ALKAL2: variants seen among roughly 807,000 people sequenced by gnomAD.
ALKAL2 encodes ALK and LTK ligand 2.
In ALKAL2, 8 loss-of-function variants were observed where a neutral mutation model predicts 18.5. The ratio of observed to expected loss-of-function variants is 0.43; its 90% CI spans 0.25 to 0.78. The LOEUF is 0.78. ALKAL2 is among the 30% of genes least tolerant of loss of function. ALKAL2 has a pLI of 0.22. For missense variants in ALKAL2, 241 were observed against 211.2 expected, an observed-to-expected ratio of 1.14 and a Z score of -0.88; for synonymous variants, 135 against 95.8, an observed-to-expected ratio of 1.41 and a Z score of -2.39.
At position 279,775 on chromosome 2, in the gene ALKAL2, A is replaced by G; in HGVS notation, c.*372T>C. 1 of 204,634 alleles carries G rather than the reference A, an allele frequency of 4.9e-6. No homozygotes were observed. The highest frequency in any genetic ancestry group is 1.1e-4 in the East Asian group (1 of 9,350). 12.7% of individuals were successfully genotyped at this position (204,634 alleles called of 1,614,324 possible). On this transcript the variant is annotated 3_prime_UTR_variant, in exon 6 of 6. Transcript: ENST00000403610. ...TTTAACAGTGAAAGTAATACAGAAT[A>G]TCAAATTATGTTATATGAAAATATA...
Position 287,713 on chromosome 2 carries a change from C to A in ALKAL2, c.123G>T (p.Val41=). Reference sequence around the variant, plus strand: ...TCCGCAGCTCCTGGACGAGTTCCACCACCAGCCGCAGCAGCGCCTGTCCGT... The same window carrying A: ...TCCGCAGCTCCTGGACGAGTTCCACAACCAGCCGCAGCAGCGCCTGTCCGT... The part of the protein sequence containing the change: ...PADGQALLRL[V]VELVQELRKH... The change falls in exon 2 of 6, where the codon GTG becomes GTT. Residue 41 remains valine (V), a synonymous_variant. Coordinates refer to ENST00000403610, the MANE Select transcript of ALKAL2 (RefSeq NM_001002919.3). 1 of 1,476,034 alleles carries A rather than the reference C, an allele frequency of 6.8e-7. No individual in the cohort carries two copies. Among genetic ancestry groups the A allele is most frequent in the Non-Finnish European group, 8.9e-7 (1 of 1,119,564 alleles). 91.4% of individuals were successfully genotyped at this position (1,476,034 alleles called of 1,614,324 possible). A position where few individuals can be genotyped will look rare whatever the true frequency, so the allele number is the denominator to read the frequency against.
intron 4 of ALKAL2, 116 bp downstream of exon 4, chr2:286,007 G>T (rs1670496147): frequency 1.2e-6 from 1 of 852,996 alleles, no homozygotes; most frequent in African/African-American, 1.7e-5. Flanking sequence ...CCATAGTGAG[G>T]AAGGAATAGG....
chr2:287,764 C>A lies in ALKAL2; in HGVS notation c.72G>T (p.Gly24=), dbSNP rs920615618. 1.4e-6 allele frequency: 2 copies of A among 1,429,264 alleles called. No individual in the cohort carries two copies. The highest frequency in any genetic ancestry group is 1.5e-5 in the African/African-American group (1 of 67,218). 88.5% of individuals were successfully genotyped at this position (1,429,264 alleles called of 1,614,324 possible). The change falls in exon 2 of 6, where the codon GGG becomes GGT. Residue 24 remains glycine (G), a synonymous_variant. Coordinates refer to ENST00000403610, the MANE Select transcript of ALKAL2 (RefSeq NM_001002919.3). ...CCGCCGGCTCCCGGGGCTCCGCGCC[C>A]CCCCGGCCGCGCCCCGCCGCCCCCA... ...LVLGAAGRGR[G]GAEPREPADG...
Position 287,624 on chromosome 2 carries a change from G to C in ALKAL2, c.212C>G (p.Ala71Gly). 1.4e-6 allele frequency: 2 copies of C among 1,477,524 alleles called. No homozygotes were observed. Among genetic ancestry groups the C allele is most frequent in the Non-Finnish European group, 1.8e-6 (2 of 1,120,098 alleles). 91.5% of individuals were successfully genotyped at this position (1,477,524 alleles called of 1,614,324 possible). A position where few individuals can be genotyped will look rare whatever the true frequency, so the allele number is the denominator to read the frequency against. The change falls in exon 2 of 6, where the codon GCG (alanine) becomes GGG (glycine). Residue 71 changes from alanine to glycine, a missense_variant. By Grantham distance (60) the Ala-to-Gly change is moderately conservative. Coordinates refer to ENST00000403610, the MANE Select transcript of ALKAL2 (RefSeq NM_001002919.3). ...LLGRDCALGR[A>G]EAAGLGPSPE... is the part of the protein sequence containing the mutation. The stretch of plus-strand genomic sequence containing the variant: ...CGAAGGCCCCAGCCCCGCCGCCTCC[G>C]CGCGGCCCAGGGCGCAGTCCCGCCC...
At chr2:283,986 T>C (rs1363963323) in intron 4 of ALKAL2, among the ~76,000 whole-genome samples, 1 of 152,232 alleles carries the variant, frequency 6.6e-6, no homozygotes, top group Non-Finnish European at 1.5e-5. Flanking sequence ...ATACGCCTCC[T>C]AAATATGGCA....
At chr2:286,970 GTTC>G (rs1348088712) in intron 2 of ALKAL2, 1 of 152,166 alleles carries the variant, frequency 6.6e-6, no homozygotes, top group Non-Finnish European at 1.5e-5. Context: ...CTGCAAGGGC[GTTC>G]TTCTTGAGTT....
At position 287,564 on chromosome 2, in the gene ALKAL2, C is replaced by A; in HGVS notation, c.253+19G>T. On this transcript the variant is annotated intron_variant, in intron 2 of 5. Coordinates refer to ENST00000403610, the MANE Select transcript of ALKAL2 (RefSeq NM_001002919.3). ...TTTCCCAGCAGCCCCGGCCCTCGGG[C>A]GCGCTCGGCCCCACTCACCCACTCG... The A allele has an allele frequency of 3.7e-6, 5 of 1,368,724 alleles. No homozygotes were observed. Among genetic ancestry groups the A allele is most frequent in the Non-Finnish European group, 4.7e-6 (5 of 1,064,790 alleles). 84.8% of individuals were successfully genotyped at this position (1,368,724 alleles called of 1,614,324 possible). A position where few individuals can be genotyped will look rare whatever the true frequency, so the allele number is the denominator to read the frequency against.
At position 288,017 on chromosome 2, in the gene ALKAL2, G is replaced by C; in HGVS notation, c.-62C>G. The C allele has an allele frequency of 8.2e-6, 10 of 1,225,998 alleles. No homozygotes were observed. The highest frequency in any genetic ancestry group is 1.0e-5 in the Non-Finnish European group (10 of 985,892). The allele number at this position is 1,225,998 out of a possible 1,614,324, so 75.9% of individuals were successfully genotyped here. ...GCGCTGGACCCGGCCCCTCACCTCC[G>C]CGGACCCCGAGGAACAAGCCGGCAG... On this transcript the variant is annotated 5_prime_UTR_variant, in exon 1 of 6. Coordinates refer to ENST00000403610, the MANE Select transcript of ALKAL2 (RefSeq NM_001002919.3).
chr2:280,708 T>G (rs1670310791), intron 5 of ALKAL2, among the ~76,000 whole-genome samples: 1 of 152,224 alleles, frequency 6.6e-6, no homozygotes, highest in Non-Finnish European at 1.5e-5. Flanking sequence ...GGCTTCTGAT[T>G]AACTGACCTG....
intron 1 of ALKAL2, 27 bp downstream of exon 1, chr2:287,986 C>T: frequency 2.4e-6 from 3 of 1,234,464 alleles, no homozygotes; most frequent in Non-Finnish European, 3.0e-6. Flanking sequence ...GCGGGAGGAG[C>T]CGCTGGCGCT....
Position 283,302 on chromosome 2 carries a change from C to T in ALKAL2, c.389-127G>A, listed in dbSNP as rs371765880. On this transcript the variant is annotated intron_variant, in intron 4 of 5. Transcript: ENST00000403610. Reference sequence around the variant, plus strand: ...ATATCTGAATTCCCTGGAAGCAATACGGAGTCTAATCTGCAGGCATGCATT... The same window carrying T: ...ATATCTGAATTCCCTGGAAGCAATATGGAGTCTAATCTGCAGGCATGCATT... 1.2e-4 allele frequency: 179 copies of T among 1,462,786 alleles called. No individual in the cohort carries two copies. The African/African-American group carries it at 1.6e-3, about 13-fold the overall frequency. 90.6% of individuals were successfully genotyped at this position (1,462,786 alleles called of 1,614,324 possible).
intron 5 of ALKAL2, among the ~76,000 whole-genome samples, chr2:281,494 C>G (rs571576098): frequency 5.8e-4 from 89 of 152,288 alleles, no homozygotes; most frequent in African/African-American, 2.0e-3. Context: ...TCTGCCACAG[C>G]TTTTCTGCAG....
intron 5 of ALKAL2, 65 bp from the exon 6 acceptor site, chr2:280,217 C>G: frequency 8.8e-6 from 14 of 1,584,868 alleles, no homozygotes; most frequent in Non-Finnish European, 1.2e-5. Context: ...TCCAGAAGAC[C>G]TGTCACTTCA....
rs376421247 is a variant in ALKAL2 at position 285,450 on chromosome 2, G to A, written c.388+673C>T. ...TTAAATAAAATCAAAGTTGGAGTCCGAATTAAAAAAAATGGGTTAGGGCCC... is the reference window on the plus strand; with the variant it reads ...TTAAATAAAATCAAAGTTGGAGTCCAAATTAAAAAAAATGGGTTAGGGCCC... On this transcript the variant is annotated intron_variant, in intron 4 of 5. Transcript: ENST00000403610. Among the ~76,000 whole-genome samples the A allele has an allele frequency of 3.3e-5, 5 of 151,912 alleles. 1 individual carries two copies. In the South Asian group the frequency reaches 6.2e-4, roughly 19 times the overall value.
rs1456900515 is a variant in ALKAL2, at chr2:286,453, T to A, written c.254-110A>T. ...GGAGCTCCATATTAGCCAAGTTGCT[T>A]TGCACAAAATAAAAAAGACTGGGGC... is the stretch of plus-strand genomic sequence containing the variant. On this transcript the variant is annotated intron_variant, in intron 2 of 5. Transcript: ENST00000403610. The A allele has an allele frequency of 3.9e-6, 3 of 762,036 alleles. No homozygotes were observed. The East Asian group carries it at 7.7e-5, about 20-fold the overall frequency. 47.2% of individuals were successfully genotyped at this position (762,036 alleles called of 1,614,324 possible). A position where few individuals can be genotyped will look rare whatever the true frequency, so the allele number is the denominator to read the frequency against.
chr2:280,258 G>T, intron 5 of ALKAL2, 106 bp from the exon 6 acceptor site: 2 of 1,266,856 alleles, frequency 1.6e-6, no homozygotes, highest in South Asian at 1.2e-5. Flanking sequence ...TATAAACATA[G>T]GCAGTCTCAG....
At chr2:281,534 C>T (rs1325120491) in intron 5 of ALKAL2, among the ~76,000 whole-genome samples, 2 of 152,160 alleles carry the variant, frequency 1.3e-5, no homozygotes, top group Non-Finnish European at 2.9e-5. Flanking sequence ...CAAAGCAGGA[C>T]GTGCGCACGC....
chr2:283,736 C>T, intron 4 of ALKAL2: 1 of 296,946 alleles, frequency 3.4e-6, no homozygotes, highest in Non-Finnish European at 5.0e-6. Context: ...TCTGACCGTG[C>T]TGCCTATAGA....
chr2:285,349 G>C (rs1369752356), intron 4 of ALKAL2, among the ~76,000 whole-genome samples: 2 of 152,188 alleles, frequency 1.3e-5, no homozygotes, highest in Non-Finnish European at 1.5e-5. Flanking sequence ...AACGCTGCCT[G>C]GTCCAGCTGG....
Sources: allele counts gnomAD v4.1 joint callset (sites outside exome capture counted in the v4.1 genomes callset), GRCh38; gene constraint gnomAD v4.1.1; transcripts MANE v1.5; gene names NCBI Gene and HGNC (gene_info 2026-07-23, HGNC 2026-07-21).